The following KCNQ5 variants were observed in gnomAD, a reference collection of about 807,000 sequenced individuals.
The protein encoded by KCNQ5 is potassium voltage-gated channel subfamily KQT member 5.
KCNQ5 carries 30 observed loss-of-function variants against 98.2 expected under a neutral mutation model. That is an observed-to-expected ratio of 0.31 (90% confidence interval 0.23 to 0.41). The LOEUF (loss-of-function observed/expected upper bound fraction) is 0.41. KCNQ5 is among the 10% of genes least tolerant of loss of function. KCNQ5 has a pLI of 1.00. For missense variants in KCNQ5, 835 were observed against 1,182.5 expected (o/e 0.71, Z 4.31); for synonymous variants, 458 against 449.4 (o/e 1.02, Z -0.24).
Position 73,194,545 on chromosome 6 carries a change from T to C in KCNQ5, c.1930T>C (p.Phe644Leu). 1 of 1,614,236 alleles carries C rather than the reference T, an allele frequency of 6.2e-7. No homozygotes were observed. Among genetic ancestry groups the C allele is most frequent in the South Asian group, 1.1e-5 (1 of 91,082 alleles). The change falls in exon 14 of 14, where the codon TTC (phenylalanine) becomes CTC (leucine). Residue 644 changes from phenylalanine to leucine, a missense_variant. Physicochemically the swap from Phe to Leu is conservative, Grantham distance 22. Around this residue, in one of 10 missense-constraint regions of KCNQ5, gnomAD observed 416 missense variants for 446.9 expected, o/e 0.93. Coordinates refer to ENST00000370398, the MANE Select transcript of KCNQ5 (RefSeq NM_019842.4). ...TGCCTCAGCCCTCGCTTTGGCTTCA[T>C]TCCAGATCCCACCTTTTGAATGTGA... ...GSASALALAS[F>L]QIPPFECEQT...
chr6:73,170,702 G>A (rs1237293490), intron 11 of KCNQ5, among the ~76,000 whole-genome samples: 2 of 151,950 alleles, frequency 1.3e-5, no homozygotes, highest in African/African-American at 2.4e-5. Context: ...CGGAGGCTGA[G>A]GGGGGCAGAT....
intron 8 of KCNQ5, among the ~76,000 whole-genome samples, chr6:73,121,883 G>A (rs1335741180): frequency 6.6e-6 from 1 of 152,214 alleles, no homozygotes; most frequent in Non-Finnish European, 1.5e-5. Context: ...GCTCTAATGG[G>A]AAATGCCTCC....
At chr6:73,036,932 G>C (rs368482434) in intron 2 of KCNQ5, among the ~76,000 whole-genome samples, 2 of 152,182 alleles carry the variant, frequency 1.3e-5, no homozygotes, top group African/African-American at 2.4e-5. Flanking sequence ...ATGCTCAGAA[G>C]GACCATACTG....
intron 1 of KCNQ5, among the ~76,000 whole-genome samples, chr6:72,800,484 G>T (rs1425060784): frequency 2.0e-5 from 3 of 151,338 alleles, no homozygotes; most frequent in East Asian, 2.0e-4. Flanking sequence ...CCCTTTATCA[G>T]TTTTTATTGC....
chr6:72,961,484 T>C (rs1331119517), intron 1 of KCNQ5, among the ~76,000 whole-genome samples: 5 of 151,160 alleles, frequency 3.3e-5, no homozygotes, highest in Non-Finnish European at 5.9e-5. Flanking sequence ...TAGCCGGGCG[T>C]GGTGGCGGGC....
At chr6:73,019,889 A>G (rs1770512676) in intron 2 of KCNQ5, among the ~76,000 whole-genome samples, 2 of 152,148 alleles carry the variant, frequency 1.3e-5, no homozygotes, top group African/African-American at 4.8e-5. Flanking sequence ...AGTGCATAGC[A>G]CCTATAACAT....
At chr6:72,633,172 T>G (rs1166912199) in intron 1 of KCNQ5, among the ~76,000 whole-genome samples, 1 of 152,202 alleles carries the variant, frequency 6.6e-6, no homozygotes, top group East Asian at 1.9e-4. Context: ...TGAACTTCTC[T>G]GAGGATTAGT....
At chr6:73,078,896 T>C (rs1394901750) in intron 5 of KCNQ5, among the ~76,000 whole-genome samples, 2 of 152,246 alleles carry the variant, frequency 1.3e-5, no homozygotes, top group Non-Finnish European at 1.5e-5. Context: ...AAACAGTCAT[T>C]GGAGCTATGC....
intron 5 of KCNQ5, among the ~76,000 whole-genome samples, chr6:73,101,348 C>CA (rs1271053724): frequency 1.3e-5 from 2 of 151,740 alleles, no homozygotes; most frequent in African/African-American, 4.8e-5. Context: ...ATTTAGAACA[C>CA]AACAAAGATG....
intron 3 of KCNQ5, among the ~76,000 whole-genome samples, chr6:73,072,037 GAGGGGGATA>G (rs1773321233): frequency 6.6e-6 from 1 of 152,154 alleles, no homozygotes; most frequent in Non-Finnish European, 1.5e-5. Context: ...TGTGGTGGGA[GAGGGGGATA>G]TAAACATCAA....
At chr6:72,681,805 A>G (rs1308161919) in intron 1 of KCNQ5, among the ~76,000 whole-genome samples, 1 of 152,142 alleles carries the variant, frequency 6.6e-6, no homozygotes, top group Non-Finnish European at 1.5e-5. Context: ...TTCCCTTTCA[A>G]TATCTTCAGT....
Position 73,004,913 on chromosome 6 carries a change from T to A in KCNQ5, c.489+915T>A, listed in dbSNP as rs1256577871. Among the ~76,000 whole-genome samples the A allele has an allele frequency of 3.3e-5, 5 of 152,152 alleles. No homozygotes were observed. The East Asian group carries it at 9.6e-4, about 29-fold the overall frequency. ...GCAGAGGTTGGTTATGTTACAGCAA[T>A]AAATATTGAATATGAAAAAATTGTT... On this transcript the variant is annotated intron_variant, in intron 2 of 13. Transcript: ENST00000370398.
At chr6:73,135,067 A>G (rs909732761) in intron 10 of KCNQ5, 2 of 152,364 alleles carry the variant, frequency 1.3e-5, no homozygotes, top group Non-Finnish European at 1.5e-5. Flanking sequence ...AAGTCTTTAC[A>G]TATGTCTAAG....
At chr6:72,777,571 A>G (rs1773222825) in intron 1 of KCNQ5, among the ~76,000 whole-genome samples, 1 of 152,200 alleles carries the variant, frequency 6.6e-6, no homozygotes, top group Admixed American at 6.5e-5. Context: ...AGCAGCTCTG[A>G]ATATCAGCAA....
chr6:72,986,986 A>C, intron 1 of KCNQ5: 1 of 799,722 alleles, frequency 1.3e-6, no homozygotes, highest in Non-Finnish European at 2.1e-6. Flanking sequence ...GGGAAGGTGA[A>C]GAAGAAGAAA....
intron 1 of KCNQ5, among the ~76,000 whole-genome samples, chr6:72,753,841 T>C (rs1771817414): frequency 6.6e-6 from 1 of 152,146 alleles, no homozygotes; most frequent in Admixed American, 6.5e-5. Context: ...TTATATTTAA[T>C]GAGATGGGTG....
chr6:72,807,001 T>C (rs1297364725), intron 1 of KCNQ5: 1 of 240,284 alleles, frequency 4.2e-6, no homozygotes, highest in Non-Finnish European at 8.3e-6. Context: ...GCATTTCTCA[T>C]GGACATTTGT....
At chr6:72,951,536 G>A (rs1766809572) in intron 1 of KCNQ5, among the ~76,000 whole-genome samples, 1 of 150,680 alleles carries the variant, frequency 6.6e-6, no homozygotes, top group Non-Finnish European at 1.5e-5. Context: ...CACCCCCTTG[G>A]CCTCCCAAAG....
At chr6:73,159,574 C>G (rs1777527814) in intron 10 of KCNQ5, among the ~76,000 whole-genome samples, 1 of 152,204 alleles carries the variant, frequency 6.6e-6, no homozygotes, top group African/African-American at 2.4e-5. Flanking sequence ...TTGTCACCAG[C>G]AATGTCAAAG....
Sources: gnomAD v4.1 joint callset for allele counts (sites outside exome capture counted in the v4.1 genomes callset) on GRCh38, gnomAD v4.1.1 for gene constraint, gnomAD v4.1.1 regional missense constraint, MANE v1.5 for transcripts, NCBI Gene and HGNC (gene_info 2026-07-23, HGNC 2026-07-21) for gene names.